The following RANBP2 variants were observed in gnomAD, a reference collection of about 807,000 sequenced individuals.
RANBP2 encodes E3 SUMO-protein ligase RanBP2.
A neutral mutation model predicts 303.6 loss-of-function variants in RANBP2; 57 were observed. That is an observed-to-expected ratio of 0.19 (90% confidence interval 0.15 to 0.23). The LOEUF (loss-of-function observed/expected upper bound fraction) is 0.23. Ranked by LOEUF, RANBP2 falls within the 10% of genes least tolerant of loss-of-function variation. RANBP2 has a pLI of 1.00. For missense variants in RANBP2, 3,138 were observed against 3,780.8 expected (o/e 0.83, Z 4.46); for synonymous variants, 1,167 against 1,301.5 (o/e 0.90, Z 2.23).
chr2:109,516,808 A>G, the RANBP2 span, among the ~76,000 whole-genome samples: 3 of 152,210 alleles, frequency 2.0e-5, no homozygotes, highest in Non-Finnish European at 4.4e-5. Context: ...CGATGGCTGC[A>G]TTTTCCAAAA....
the RANBP2 span, among the ~76,000 whole-genome samples, chr2:109,633,481 G>T: frequency 6.8e-4 from 104 of 152,128 alleles, 2 homozygotes; most frequent in African/African-American, 2.5e-3. Flanking sequence ...GCGCCCAGGG[G>T]AACAGGCAGG....
chr2:109,074,837 A>G, the RANBP2 span, among the ~76,000 whole-genome samples: 2 of 149,314 alleles, frequency 1.3e-5, no homozygotes, highest in Admixed American at 1.3e-4. Flanking sequence ...CCTGGCCAAC[A>G]TGGTGAAACC....
the RANBP2 span, chr2:109,794,600 GGCGGCGGC>G: frequency 2.3e-6 from 2 of 857,124 alleles, no homozygotes; most frequent in African/African-American, 2.1e-5. Flanking sequence ...CGGCGGCGGC[GGCGGCGGC>G]GGGGGGGGCG....
At chr2:109,021,309 G>A in the RANBP2 span, among the ~76,000 whole-genome samples, 3 of 152,022 alleles carry the variant, frequency 2.0e-5, no homozygotes, top group Non-Finnish European at 4.4e-5. Context: ...GGATCACGAG[G>A]TCAGGAGATC....
the RANBP2 span, among the ~76,000 whole-genome samples, chr2:108,984,018 T>C: frequency 6.6e-6 from 1 of 152,224 alleles, no homozygotes; most frequent in Non-Finnish European, 1.5e-5. Flanking sequence ...TGCTAAGTGT[T>C]CTTTCTCTGC....
chr2:109,323,943 C>T, the RANBP2 span, among the ~76,000 whole-genome samples: 1 of 152,164 alleles, frequency 6.6e-6, no homozygotes, highest in Non-Finnish European at 1.5e-5. Flanking sequence ...AAAAGAAATG[C>T]CATACCTATC....
At chr2:109,341,686 A>G in the RANBP2 span, among the ~76,000 whole-genome samples, 8 of 152,182 alleles carry the variant, frequency 5.3e-5, no homozygotes, top group Non-Finnish European at 1.0e-4. Flanking sequence ...TGCTCTGGGC[A>G]TAATATTTGA....
the RANBP2 span, among the ~76,000 whole-genome samples, chr2:109,117,702 T>C: frequency 6.6e-6 from 1 of 152,146 alleles, no homozygotes; most frequent in African/African-American, 2.4e-5. Flanking sequence ...CAGATGGAAA[T>C]GCAGAAATCA....
the RANBP2 span, among the ~76,000 whole-genome samples, chr2:109,610,355 TG>T: frequency 6.6e-6 from 1 of 152,108 alleles, no homozygotes; most frequent in South Asian, 2.1e-4. Flanking sequence ...CCCAAAGTGC[TG>T]GGATTACAGG....
intron 8 of RANBP2, 143 bp from the exon 9 acceptor site, chr2:108,748,774 TTTG>T: frequency 1.4e-6 from 2 of 1,468,456 alleles, no homozygotes; most frequent in Non-Finnish European, 1.9e-6. Flanking sequence ...AAGCACCGGT[TTTG>T]TTGTCCAGCT....
the RANBP2 span, among the ~76,000 whole-genome samples, chr2:108,841,274 C>A: frequency 6.6e-6 from 1 of 152,020 alleles, no homozygotes; most frequent in Admixed American, 6.6e-5. Context: ...TCAATTTGAT[C>A]CTGTTGGTTG....
the RANBP2 span, among the ~76,000 whole-genome samples, chr2:108,893,124 C>T: frequency 6.6e-6 from 1 of 152,204 alleles, no homozygotes; most frequent in Non-Finnish European, 1.5e-5. Context: ...TGCCTTTAAA[C>T]CTACATTCAT....
chr2:109,297,282 G>A, the RANBP2 span, among the ~76,000 whole-genome samples: 3 of 152,092 alleles, frequency 2.0e-5, no homozygotes, highest in Admixed American at 6.5e-5. Context: ...AATGCTGTAC[G>A]TAACAGAGAA....
At chr2:108,829,613 A>G in the RANBP2 span, among the ~76,000 whole-genome samples, 3 of 152,130 alleles carry the variant, frequency 2.0e-5, no homozygotes, top group African/African-American at 7.2e-5. Context: ...CAGTGTGGTG[A>G]TGCACACCTG....
the RANBP2 span, among the ~76,000 whole-genome samples, chr2:109,693,833 G>A: frequency 6.6e-6 from 1 of 152,128 alleles, no homozygotes; most frequent in Non-Finnish European, 1.5e-5. Flanking sequence ...ACCACCTTGG[G>A]CACATGTCTT....
the RANBP2 span, among the ~76,000 whole-genome samples, chr2:108,878,662 A>G: frequency 6.6e-6 from 1 of 152,234 alleles, no homozygotes; most frequent in African/African-American, 2.4e-5. Context: ...TTTGAAAAAA[A>G]TTGTTTTTAA....
the RANBP2 span, chr2:109,585,773 C>A: frequency 6.2e-7 from 1 of 1,613,898 alleles, no homozygotes. Context: ...TGTTCACCAG[C>A]TGATCAGGCA....
the RANBP2 span, among the ~76,000 whole-genome samples, chr2:109,673,134 C>T: frequency 3.3e-5 from 5 of 152,246 alleles, no homozygotes; most frequent in East Asian, 1.9e-4. Flanking sequence ...ACAGGTGCCT[C>T]GGTGACTGGG....
At chr2:109,104,087 T>C in the RANBP2 span, among the ~76,000 whole-genome samples, 144,637 of 152,144 alleles carry the variant, frequency 0.95, 69,150 homozygotes, top group Non-Finnish European at 1. Context: ...AGCCACCATT[T>C]CGGCGAAGAT....
Sources: gnomAD v4.1 joint callset for allele counts (sites outside exome capture counted in the v4.1 genomes callset) on GRCh38, gnomAD v4.1.1 for gene constraint, MANE v1.5 for transcripts, NCBI Gene and HGNC (gene_info 2026-07-23, HGNC 2026-07-21) for gene names.